MEI4: variants seen among roughly 807,000 people sequenced by gnomAD.
The protein encoded by MEI4 is meiosis-specific protein MEI4.
MEI4 carries 27 observed loss-of-function variants against 31.4 expected under a neutral mutation model. That is an observed-to-expected ratio of 0.86 (90% CI 0.63 to 1.19). The LOEUF (loss-of-function observed/expected upper bound fraction) is 1.19, where lower values mean the gene tolerates loss of function less well. MEI4 is among the 50% of genes most tolerant of loss of function. MEI4 has a pLI of 0.00. For missense variants in MEI4, 329 were observed against 398.9 expected, an observed-to-expected ratio of 0.82 and a Z score of 1.49; for synonymous variants, 122 against 145.4, an observed-to-expected ratio of 0.84 and a Z score of 1.16.
intron 4 of MEI4, among the ~76,000 whole-genome samples, chr6:77,901,683 TG>T (rs1423768526): frequency 6.6e-6 from 1 of 152,122 alleles, no homozygotes; most frequent in Non-Finnish European, 1.5e-5. Context: ...TTCTGTTTAT[TG>T]TTTCCTTGGC....
chr6:77,672,901 G>T (rs2446254), intron 1 of MEI4, among the ~76,000 whole-genome samples: 118,351 of 152,134 alleles, frequency 0.78, 46,303 homozygotes, highest in African/African-American at 0.86. Flanking sequence ...TGTAATGAAT[G>T]TATGAAAGTA....
intron 1 of MEI4, among the ~76,000 whole-genome samples, chr6:77,686,456 T>A (rs1769055408): frequency 6.6e-6 from 1 of 152,132 alleles, no homozygotes; most frequent in African/African-American, 2.4e-5. Flanking sequence ...TGTATCACTA[T>A]ATTAATGTCT....
intron 3 of MEI4, among the ~76,000 whole-genome samples, chr6:77,787,204 G>A (rs1422012557): frequency 3.3e-5 from 5 of 152,088 alleles, no homozygotes; most frequent in East Asian, 3.9e-4. Context: ...TTCTTTAGCC[G>A]GGATTTTCTA....
chr6:77,654,922 TTTA>T (rs958788007), intron 1 of MEI4, among the ~76,000 whole-genome samples: 5 of 152,144 alleles, frequency 3.3e-5, no homozygotes, highest in African/African-American at 7.2e-5. Context: ...ATTTTTATTT[TTTA>T]TTATATTTTA....
At chr6:77,913,926 C>T (rs374101652) in intron 4 of MEI4, among the ~76,000 whole-genome samples, 1 of 151,004 alleles carries the variant, frequency 6.6e-6, no homozygotes, top group African/African-American at 2.4e-5. Context: ...CCCAGCTACT[C>T]CAGAGGCTAA....
chr6:77,672,668 T>A (rs539435009), intron 1 of MEI4, among the ~76,000 whole-genome samples: 1 of 152,318 alleles, frequency 6.6e-6, no homozygotes, highest in Non-Finnish European at 1.5e-5. Flanking sequence ...GCCTCCTGAG[T>A]TGCTGAGATT....
chr6:77,869,751 G>A (rs1437019338), intron 4 of MEI4, among the ~76,000 whole-genome samples: 2 of 152,158 alleles, frequency 1.3e-5, no homozygotes, highest in Non-Finnish European at 2.9e-5. Flanking sequence ...TAGCCAAGAT[G>A]AAGTAAAGGA....
At position 77,926,302 on chromosome 6, in the gene MEI4, T is replaced by C. The variant is rs1766843691; in HGVS notation, c.*2956T>C. The C allele has an allele frequency of 6.6e-6, 1 of 151,970 alleles. No homozygotes were observed. The highest frequency in any genetic ancestry group is 2.1e-4 in the South Asian group (1 of 4,832). The allele number at this position is 151,970 out of a possible 1,614,324, so 9.4% of individuals were successfully genotyped here. ...CTATAAGTAAACCAGAGGAACAGCA[T>C]CTTTGACCTTTTCAGGGTTGTAGCA... is the stretch of plus-strand genomic sequence containing the variant. On this transcript the variant is annotated 3_prime_UTR_variant, in exon 5 of 5. Coordinates refer to ENST00000684080, the MANE Select transcript of MEI4 (RefSeq NM_001322247.2).
intron 3 of MEI4, among the ~76,000 whole-genome samples, chr6:77,786,884 A>G (rs1305739223): frequency 6.6e-6 from 1 of 152,228 alleles, no homozygotes; most frequent in Non-Finnish European, 1.5e-5. Flanking sequence ...AAGTAAAATA[A>G]TTAAATGGAT....
chr6:77,688,302 G>A (rs930669951), intron 1 of MEI4, among the ~76,000 whole-genome samples: 5 of 152,094 alleles, frequency 3.3e-5, no homozygotes, highest in Non-Finnish European at 7.4e-5. Flanking sequence ...TTGGTTGTAT[G>A]TTGTTGTTCT....
In MEI4 at chr6:77,707,948, G is replaced by A. The variant is rs112561675; in HGVS notation, c.232+17045G>A. Reference sequence around the variant, plus strand: ...TCAAAGGATGTGTAGGAAAGCTTGGGTACCCAGCCAGAAGCCTGCTACAGG... The same window carrying A: ...TCAAAGGATGTGTAGGAAAGCTTGGATACCCAGCCAGAAGCCTGCTACAGG... On this transcript the variant is annotated intron_variant, in intron 2 of 4. Transcript: ENST00000684080. Among the ~76,000 whole-genome samples the A allele has an allele frequency of 3.4e-3, 517 of 152,326 alleles. 2 individuals carry two copies. The highest frequency in any genetic ancestry group is 0.012 in the African/African-American group (503 of 41,572).
At chr6:77,768,873 A>G (rs985065732) in intron 3 of MEI4, among the ~76,000 whole-genome samples, 4 of 152,144 alleles carry the variant, frequency 2.6e-5, no homozygotes, top group Admixed American at 1.3e-4. Flanking sequence ...CTAATTGAAT[A>G]TAAGTTATAT....
intron 2 of MEI4, among the ~76,000 whole-genome samples, chr6:77,733,811 G>T (rs1004517114): frequency 6.6e-6 from 1 of 151,978 alleles, no homozygotes; most frequent in Non-Finnish European, 1.5e-5. Flanking sequence ...GTGTCCCAGA[G>T]ATTCTGGTAT....
chr6:77,752,028 A>G (rs1347407825), intron 2 of MEI4, among the ~76,000 whole-genome samples: 6 of 152,230 alleles, frequency 3.9e-5, no homozygotes, highest in African/African-American at 1.4e-4. Flanking sequence ...CCACATGATT[A>G]TCTCAGTAGA....
chr6:77,823,844 G>A (rs745538004), intron 3 of MEI4, among the ~76,000 whole-genome samples: 1 of 152,110 alleles, frequency 6.6e-6, no homozygotes, highest in Non-Finnish European at 1.5e-5. Flanking sequence ...GATACCATCT[G>A]TCCCTGGGTC....
At chr6:77,669,472 G>A (rs969533689) in intron 1 of MEI4, among the ~76,000 whole-genome samples, 1 of 152,152 alleles carries the variant, frequency 6.6e-6, no homozygotes, top group Admixed American at 6.5e-5. Context: ...AATATGAAAT[G>A]ATTAGGCTAA....
intron 1 of MEI4, among the ~76,000 whole-genome samples, chr6:77,672,833 C>T (rs1768771733): frequency 6.6e-6 from 1 of 152,212 alleles, no homozygotes. Context: ...CCACCACGCC[C>T]ATCCTACATT....
At chr6:77,908,346 C>T (rs1003651134) in intron 4 of MEI4, among the ~76,000 whole-genome samples, 1 of 152,104 alleles carries the variant, frequency 6.6e-6, no homozygotes, top group Non-Finnish European at 1.5e-5. Flanking sequence ...GGAAGGGATC[C>T]AGTTTCAGCT....
intron 4 of MEI4, among the ~76,000 whole-genome samples, chr6:77,884,680 T>G (rs996192666): frequency 2.6e-5 from 4 of 152,200 alleles, no homozygotes; most frequent in Non-Finnish European, 4.4e-5. Context: ...ATGCATTTGT[T>G]TCTAGATTCT....
Sources: gnomAD v4.1 joint callset for allele counts (sites outside exome capture counted in the v4.1 genomes callset) on GRCh38, gnomAD v4.1.1 for gene constraint, MANE v1.5 for transcripts, NCBI Gene and HGNC (gene_info 2026-07-23, HGNC 2026-07-21) for gene names.